Variants in TBCD observed in about 807,000 individuals in gnomAD.
The protein encoded by TBCD is tubulin folding cofactor D, also known as tubulin-specific chaperone D.
Under a neutral mutation model 169.3 loss-of-function variants are expected in TBCD, and 105 were observed. That is an observed-to-expected ratio of 0.62 (90% CI 0.53 to 0.73). TBCD has a LOEUF of 0.73. Among genes scored for constraint, TBCD ranks in the 30% least tolerant of loss-of-function variants. The pLI, the probability that TBCD is intolerant of heterozygous loss-of-function variation, is 0.00. For synonymous variants in TBCD, 700 were observed against 643.9 expected (o/e 1.09, Z -1.32); for missense variants, 1,444 against 1,600.1 (o/e 0.90, Z 1.66).
rs545776031 is a variant in TBCD, at chr17:82,923,077, G to A, written c.2179-575G>A. ...CAACTCCTGTTCCCAGTGCGCCCCC[G>A]GAGCCCTGTCTCTCTAAATGAGGCT... On this transcript the variant is annotated intron_variant, in intron 25 of 38. Coordinates refer to ENST00000355528, the MANE Select transcript of TBCD (RefSeq NM_005993.5). The surrounding 1 kb of genome is among the most constrained non-coding windows in gnomAD (Gnocchi z 4.6). 3.4e-4 allele frequency among the ~76,000 whole-genome samples: 52 copies of A among 152,326 alleles called. No homozygotes were observed. The East Asian group carries it at 3.9e-3, about 11-fold the overall frequency.
Position 82,805,861 on chromosome 17 carries a change from T to C in TBCD, c.951-14T>C. 6.3e-7 allele frequency: 1 copy of C among 1,593,836 alleles called. No homozygotes were observed. Among genetic ancestry groups the C allele is most frequent in the Non-Finnish European group, 8.6e-7 (1 of 1,163,268 alleles). The stretch of plus-strand genomic sequence containing the variant: ...AGCTACAAAGCTGATCTGAGGATGC[T>C]TTGCTTTGCACAGGTACCAGCGTGG... On this transcript the variant is annotated splice_polypyrimidine_tract_variant and intron_variant, in intron 9 of 38. Transcript: ENST00000355528.
At chr17:82,941,782 G>A (rs551693995) in intron 38 of TBCD, 1 of 435,638 alleles carries the variant, frequency 2.3e-6, no homozygotes, top group Admixed American at 4.1e-5. Context: ...GGGTCTGTTT[G>A]TGCTCCAAGT....
chr17:82,830,132 G>A (rs772543540), intron 13 of TBCD: 1 of 1,613,266 alleles, frequency 6.2e-7, no homozygotes, highest in Non-Finnish European at 8.5e-7. Context: ...ACACACGTGT[G>A]AACCCGGCGT....
At chr17:82,847,630 C>T (rs1219330608) in intron 13 of TBCD, among the ~76,000 whole-genome samples, 1 of 152,140 alleles carries the variant, frequency 6.6e-6, no homozygotes, top group Non-Finnish European at 1.5e-5. Flanking sequence ...ACAAATAACG[C>T]CACAATTTAA....
chr17:82,863,818 T>C (rs532423463), intron 13 of TBCD, among the ~76,000 whole-genome samples: 8 of 152,302 alleles, frequency 5.3e-5, no homozygotes, highest in African/African-American at 1.9e-4. Flanking sequence ...AGGTGCTGCC[T>C]GATAGCAGAG....
intron 4 of TBCD, 119 bp from the exon 5 acceptor site, chr17:82,768,301 A>G (rs2144037248): frequency 8.0e-7 from 1 of 1,253,620 alleles, no homozygotes; most frequent in Admixed American, 2.0e-5. Context: ...GGGTGATGGC[A>G]TTTGAATGGC....
chr17:82,938,036 C>G lies in TBCD; in HGVS notation c.3282-13C>G, dbSNP rs777476510. ...GGTGGGGCTCACCTGGAGCCATGTG[C>G]TGCTCCCGGCAGGTTCTGCGAGATG... On this transcript the variant is annotated splice_polypyrimidine_tract_variant and intron_variant, in intron 35 of 38. Transcript: ENST00000355528. 1.9e-6 allele frequency: 3 copies of G among 1,612,740 alleles called. No homozygotes were observed. Among genetic ancestry groups the G allele is most frequent in the African/African-American group, 1.3e-5 (1 of 75,056 alleles).
Position 82,831,086 on chromosome 17 carries a change from G to T in TBCD, c.1318+16152G>T, listed in dbSNP as rs891225222. 3 of 1,614,082 alleles carry T rather than the reference G, an allele frequency of 1.9e-6. No homozygotes were observed. The highest frequency in any genetic ancestry group is 2.7e-5 in the African/African-American group (2 of 74,930). ...AGGCATTCTGTGCTTTTCTTAACAG[G>T]CCTGAAGGCTGTGAGGCTTTGCTCT... On this transcript the variant is annotated intron_variant, in intron 13 of 38. Transcript: ENST00000355528. The surrounding 1 kb of genome is among the most constrained non-coding windows in gnomAD (Gnocchi z 4.6).
intron 15 of TBCD, among the ~76,000 whole-genome samples, chr17:82,887,920 C>G (rs2058868105): frequency 6.6e-6 from 1 of 152,132 alleles, no homozygotes; most frequent in Non-Finnish European, 1.5e-5. Context: ...AGGTCTTTTA[C>G]TCATTTCTAA....
chr17:82,842,764 T>C (rs1382126033), intron 13 of TBCD, among the ~76,000 whole-genome samples: 2 of 151,592 alleles, frequency 1.3e-5, no homozygotes, highest in Non-Finnish European at 2.9e-5. Flanking sequence ...GCAAGTGTTC[T>C]TCATTTTCTT....
chr17:82,873,064 C>G (rs1436306574), intron 14 of TBCD, among the ~76,000 whole-genome samples: 2 of 152,266 alleles, frequency 1.3e-5, no homozygotes, highest in African/African-American at 4.8e-5. Context: ...AGCGCTGCCT[C>G]GTGGCTGAGA....
chr17:82,858,623 A>T, intron 13 of TBCD: 1 of 985,414 alleles, frequency 1.0e-6, no homozygotes, highest in Non-Finnish European at 1.2e-6. Context: ...GGTGTGCCTC[A>T]CAGACACAGG....
chr17:82,891,210 G>A (rs2059114217), intron 16 of TBCD, among the ~76,000 whole-genome samples: 1 of 152,248 alleles, frequency 6.6e-6, no homozygotes, highest in African/African-American at 2.4e-5. Flanking sequence ...GTGTGTGGCT[G>A]GATTTGAGCC....
At chr17:82,933,163 G>C (rs977180121) in intron 34 of TBCD, among the ~76,000 whole-genome samples, 1 of 152,146 alleles carries the variant, frequency 6.6e-6, no homozygotes, top group South Asian at 2.1e-4. Flanking sequence ...CCTTGCTTCT[G>C]CGCCACGCGG....
intron 6 of TBCD, among the ~76,000 whole-genome samples, chr17:82,773,208 C>T (rs1260137318): frequency 6.6e-6 from 1 of 152,202 alleles, no homozygotes; most frequent in Non-Finnish European, 1.5e-5. Flanking sequence ...GGAATACGGT[C>T]AGTGCCTCAT....
At chr17:82,820,132 C>T (rs1432727083) in intron 13 of TBCD, among the ~76,000 whole-genome samples, 2 of 152,070 alleles carry the variant, frequency 1.3e-5, no homozygotes, top group Non-Finnish European at 2.9e-5. Context: ...CGCCCGCCAC[C>T]ATGCCCAGCC....
rs1011179465 is a variant in TBCD, at chr17:82,789,299, C to T, written c.771+7578C>T. Among the ~76,000 whole-genome samples the T allele has an allele frequency of 6.6e-6, 1 of 152,220 alleles. No individual in the cohort carries two copies. The highest frequency in any genetic ancestry group is 2.4e-5 in the African/African-American group (1 of 41,458). ...CACAGTGCCGTGAGTCTTACAGAAACCTGCATGGTGAGCCGCACGCCTTTG... is the reference window on the plus strand; with the variant it reads ...CACAGTGCCGTGAGTCTTACAGAAATCTGCATGGTGAGCCGCACGCCTTTG... On this transcript the variant is annotated intron_variant, in intron 7 of 38. Coordinates refer to ENST00000355528, the MANE Select transcript of TBCD (RefSeq NM_005993.5). The surrounding 1 kb of genome is among the most constrained non-coding windows in gnomAD (Gnocchi z 4.8).
At position 82,944,352 on chromosome 17, in the gene TBCD, C is replaced by T. The variant is rs1045664806; in HGVS notation, c.*1889C>T. ...GCCTGGAAAGCCCTCTTTCAGCAGC[C>T]GTTTCTGGAGCCCACCAGGGTCCAG... On this transcript the variant is annotated 3_prime_UTR_variant, in exon 39 of 39. Coordinates refer to ENST00000355528, the MANE Select transcript of TBCD (RefSeq NM_005993.5). 1.1e-4 allele frequency: 16 copies of T among 152,144 alleles called. No homozygotes were observed. The highest frequency in any genetic ancestry group is 2.1e-4 in the South Asian group (1 of 4,820). The allele number at this position is 152,144 out of a possible 1,614,324, so 9.4% of individuals were successfully genotyped here.
In TBCD at chr17:82,920,342, T is replaced by G; in HGVS notation, c.2039-214T>G. 1.7e-6 allele frequency: 1 copy of G among 598,264 alleles called. No individual in the cohort carries two copies. Among genetic ancestry groups the G allele is most frequent in the Non-Finnish European group, 2.9e-6 (1 of 340,718 alleles). 37.1% of individuals were successfully genotyped at this position (598,264 alleles called of 1,614,324 possible). A position where few individuals can be genotyped will look rare whatever the true frequency, so the allele number is the denominator to read the frequency against. On this transcript the variant is annotated intron_variant, in intron 23 of 38. Transcript: ENST00000355528. The surrounding 1 kb of genome is among the most constrained non-coding windows in gnomAD (Gnocchi z 4.1). ...CCACGTGGCTGGGTCTGCAGCACTT[T>G]CTTCAGGCTGCTCAGCGGAGGAGGC...
Sources: gnomAD v4.1 joint callset for allele counts (sites outside exome capture counted in the v4.1 genomes callset) on GRCh38, gnomAD v4.1.1 for gene constraint, Gnocchi (gnomAD v3.1) non-coding constraint, MANE v1.5 for transcripts, NCBI Gene and HGNC (gene_info 2026-07-23, HGNC 2026-07-21) for gene names.